The following SEL1L variants were observed in gnomAD, a reference collection of about 807,000 sequenced individuals.
SEL1L encodes protein sel-1 homolog 1.
SEL1L carries 52 observed loss-of-function variants against 109.8 expected under a neutral mutation model. The ratio of observed to expected loss-of-function variants is 0.47; its 90% CI spans 0.38 to 0.60. The LOEUF (loss-of-function observed/expected upper bound fraction) is 0.60. Among genes scored for constraint, SEL1L ranks in the 20% least tolerant of loss-of-function variants. SEL1L has a pLI of 0.00. For missense variants in SEL1L, 749 were observed against 962.2 expected, an observed-to-expected ratio of 0.78 and a Z score of 2.93; for synonymous variants, 373 against 339.6, an observed-to-expected ratio of 1.10 and a Z score of -1.08.
At chr14:81,528,452 C>A (rs1390776603) in intron 1 of SEL1L, among the ~76,000 whole-genome samples, 1 of 152,150 alleles carries the variant, frequency 6.6e-6, no homozygotes, top group Non-Finnish European at 1.5e-5. Context: ...TTGGTGTTGT[C>A]TGATTACATT....
At chr14:81,484,567 T>G (rs1306527320) in intron 18 of SEL1L, 170 bp from the exon 19 acceptor site, 4 of 610,684 alleles carry the variant, frequency 6.6e-6, no homozygotes, top group Non-Finnish European at 8.1e-6. Flanking sequence ...CAGTAAAAAT[T>G]TAAACTAGAA....
chr14:81,512,864 A>C lies in SEL1L; in HGVS notation c.341-6623T>G, dbSNP rs533284275. ...ACAAATGTTTATTGAGATGATATGC[A>C]GAAAACAGTTAACACAGCAAGCCTG... On this transcript the variant is annotated intron_variant, in intron 3 of 20. Transcript: ENST00000336735. 4.6e-5 allele frequency among the ~76,000 whole-genome samples: 7 copies of C among 152,368 alleles called. No homozygotes were observed. The East Asian group carries it at 1.3e-3, about 29-fold the overall frequency.
intron 20 of SEL1L, among the ~76,000 whole-genome samples, chr14:81,478,392 C>T (rs956381337): frequency 1.3e-5 from 2 of 151,784 alleles, no homozygotes; most frequent in Non-Finnish European, 2.9e-5. Flanking sequence ...GATTATGGGG[C>T]GTTTTTACTG....
In SEL1L at chr14:81,502,707, G is replaced by A. The variant is rs778622870; in HGVS notation, c.777+14C>T. 6.8e-6 allele frequency: 11 copies of A among 1,611,648 alleles called. No individual in the cohort carries two copies. The South Asian group carries it at 1.1e-4, about 16-fold the overall frequency. On this transcript the variant is annotated intron_variant, in intron 6 of 20. Coordinates refer to ENST00000336735, the MANE Select transcript of SEL1L (RefSeq NM_005065.6). ...GTTACATGCAGAGAGATTCTTCACTGAGAATGTACTTACAGTCTGTCCCTT... is the reference window on the plus strand; with the variant it reads ...GTTACATGCAGAGAGATTCTTCACTAAGAATGTACTTACAGTCTGTCCCTT...
chr14:81,524,427 T>C (rs1480050953), intron 3 of SEL1L, among the ~76,000 whole-genome samples: 1 of 152,178 alleles, frequency 6.6e-6, no homozygotes, highest in Non-Finnish European at 1.5e-5. Context: ...CCCATGTCTC[T>C]AGAACTAACT....
At position 81,474,524 on chromosome 14, in the gene SEL1L, C is replaced by T. The variant is rs934069617; in HGVS notation, c.*2448G>A. The T allele has an allele frequency of 6.6e-6, 1 of 152,166 alleles. No individual in the cohort carries two copies. Among genetic ancestry groups the T allele is most frequent in the Admixed American group, 6.5e-5 (1 of 15,270 alleles). 9.4% of individuals were successfully genotyped at this position (152,166 alleles called of 1,614,324 possible). A position where few individuals can be genotyped will look rare whatever the true frequency, so the allele number is the denominator to read the frequency against. Reference sequence around the variant, plus strand: ...GTTAGTTTAATGTCACTGACATTAACTAGCTTTAGTTATTGTCATTTTATT... The same window carrying T: ...GTTAGTTTAATGTCACTGACATTAATTAGCTTTAGTTATTGTCATTTTATT... On this transcript the variant is annotated 3_prime_UTR_variant, in exon 21 of 21. Transcript: ENST00000336735.
intron 5 of SEL1L, 27 bp downstream of exon 5, chr14:81,504,173 GA>G (rs1339852010): frequency 5.0e-6 from 7 of 1,401,040 alleles, no homozygotes; most frequent in East Asian, 2.6e-5. Flanking sequence ...TGTCATGGGG[GA>G]AAAGTGGACT....
At chr14:81,492,631 C>G in intron 11 of SEL1L, 83 bp from the exon 12 acceptor site, 1 of 948,338 alleles carries the variant, frequency 1.1e-6, no homozygotes, top group East Asian at 2.7e-5. Flanking sequence ...ATTTCAGGAA[C>G]ATTTAAAAAA....
rs1439372756 is a variant in SEL1L at position 81,533,786 on chromosome 14, T to C, written c.-42A>G. On this transcript the variant is annotated 5_prime_UTR_variant, in exon 1 of 21. Transcript: ENST00000336735. ...GTGCCAACCCCTAGAGCTGTCGCCT[T>C]CGCCTCTGCCACCACGGACTCAGCC... The C allele has an allele frequency of 3.1e-6, 5 of 1,589,626 alleles. No individual in the cohort carries two copies. The highest frequency in any genetic ancestry group is 4.3e-6 in the Non-Finnish European group (5 of 1,164,600).
chr14:81,475,648 A>G lies in SEL1L; in HGVS notation c.*1324T>C, dbSNP rs1903137372. On this transcript the variant is annotated 3_prime_UTR_variant, in exon 21 of 21. Transcript: ENST00000336735. ...ACACCACCATCTGACAATAAAATGAAATACAAATTCAGTTTAAGCTTTAAT... is the reference window on the plus strand; with the variant it reads ...ACACCACCATCTGACAATAAAATGAGATACAAATTCAGTTTAAGCTTTAAT... 6.6e-6 allele frequency: 1 copy of G among 152,188 alleles called. No individual in the cohort carries two copies. The highest frequency in any genetic ancestry group is 1.5e-5 in the Non-Finnish European group (1 of 68,024). 9.4% of individuals were successfully genotyped at this position (152,188 alleles called of 1,614,324 possible). A position where few individuals can be genotyped will look rare whatever the true frequency, so the allele number is the denominator to read the frequency against.
intron 3 of SEL1L, among the ~76,000 whole-genome samples, chr14:81,520,749 G>C (rs1884874871): frequency 6.6e-6 from 1 of 152,168 alleles, no homozygotes; most frequent in Non-Finnish European, 1.5e-5. Context: ...TCAGCAGGAT[G>C]AACTTGATCT....
intron 19 of SEL1L, among the ~76,000 whole-genome samples, chr14:81,480,427 A>T (rs966330579): frequency 2.0e-4 from 31 of 152,194 alleles, no homozygotes; most frequent in African/African-American, 7.2e-4. Context: ...CTGACCTCGT[A>T]ATCCGCCCGC....
intron 11 of SEL1L, among the ~76,000 whole-genome samples, chr14:81,494,689 G>C (rs1299402334): frequency 3.9e-5 from 6 of 152,178 alleles, no homozygotes; most frequent in Non-Finnish European, 1.5e-5. Context: ...TCTCTTTACA[G>C]AAGTCTTCCC....
intron 16 of SEL1L, 73 bp from the exon 17 acceptor site, chr14:81,486,527 T>C: frequency 6.7e-7 from 1 of 1,482,560 alleles, no homozygotes; most frequent in Non-Finnish European, 9.3e-7. Context: ...ACTTATGCAC[T>C]TTGGTTACAC....
Position 81,510,477 on chromosome 14 carries a change from T to G in SEL1L, c.341-4236A>C, listed in dbSNP as rs966693148. Among the ~76,000 whole-genome samples the G allele has an allele frequency of 5.1e-5, 4 of 78,576 alleles. No individual in the cohort carries two copies. The East Asian group carries it at 9.5e-4, about 19-fold the overall frequency. The allele number at this position is 78,576 out of a possible 152,430, so 51.5% of individuals were successfully genotyped here. The stretch of plus-strand genomic sequence containing the variant: ...TAAACATAGCTAGAATGCTGATCTC[T>G]CTCTCTCTCTCTCTCTCTCTCTCTC... On this transcript the variant is annotated intron_variant, in intron 3 of 20. Coordinates refer to ENST00000336735, the MANE Select transcript of SEL1L (RefSeq NM_005065.6).
At chr14:81,530,462 A>G (rs1885279070) in intron 1 of SEL1L, among the ~76,000 whole-genome samples, 1 of 152,214 alleles carries the variant, frequency 6.6e-6, no homozygotes, top group South Asian at 2.1e-4. Flanking sequence ...GTGAAATTAA[A>G]CATCCTCTGC....
intron 3 of SEL1L, among the ~76,000 whole-genome samples, chr14:81,508,940 T>G (rs1428790744): frequency 6.6e-6 from 1 of 152,174 alleles, no homozygotes; most frequent in Non-Finnish European, 1.5e-5. Context: ...AAAAAAAATT[T>G]GACAACAAAA....
intron 19 of SEL1L, among the ~76,000 whole-genome samples, chr14:81,483,966 C>A (rs1229484665): frequency 6.6e-6 from 1 of 152,174 alleles, no homozygotes; most frequent in Non-Finnish European, 1.5e-5. Flanking sequence ...TAGTTATCAG[C>A]AGAGGAAGCA....
intron 3 of SEL1L, among the ~76,000 whole-genome samples, chr14:81,518,522 T>C (rs1884788773): frequency 6.6e-6 from 1 of 151,154 alleles, no homozygotes; most frequent in Admixed American, 6.6e-5. Flanking sequence ...TAGCTGGGTG[T>C]GGTGGCAGGT....
Sources: gnomAD v4.1 joint callset for allele counts (sites outside exome capture counted in the v4.1 genomes callset) on GRCh38, gnomAD v4.1.1 for gene constraint, MANE v1.5 for transcripts, NCBI Gene and HGNC (gene_info 2026-07-23, HGNC 2026-07-21) for gene names.